Variants in MYH7B observed in about 807,000 individuals in gnomAD.
The protein encoded by MYH7B is myosin-7B.
A neutral mutation model predicts 234.5 loss-of-function variants in MYH7B; 205 were observed. That is an observed-to-expected ratio of 0.87 (90% CI 0.78 to 0.98). The LOEUF (loss-of-function observed/expected upper bound fraction) is 0.98. MYH7B is among the 50% of genes least tolerant of loss of function. The probability of loss-of-function intolerance (pLI) is 0.00; values close to 1 mark genes in which losing one functional copy is unlikely to be tolerated. For synonymous variants in MYH7B, 1,193 were observed against 1,105.0 expected, an observed-to-expected ratio of 1.08 and a Z score of -1.58; for missense variants, 2,652 against 2,633.4, an observed-to-expected ratio of 1.01 and a Z score of -0.15.
chr20:34,982,669 G>A, intron 10 of MYH7B, 114 bp downstream of exon 10: 2 of 921,930 alleles, frequency 2.2e-6, no homozygotes, highest in Non-Finnish European at 1.6e-6. Flanking sequence ...CCAGAACCCT[G>A]AGCCCTGCCT....
chr20:34,992,489 A>C (rs1965158284), intron 24 of MYH7B, among the ~76,000 whole-genome samples: 1 of 152,074 alleles, frequency 6.6e-6, no homozygotes, highest in Non-Finnish European at 1.5e-5. Context: ...AAATTTTAAA[A>C]ATAGTGCATG....
At chr20:34,976,251 T>G (rs2081853143) in intron 3 of MYH7B, among the ~76,000 whole-genome samples, 1 of 152,194 alleles carries the variant, frequency 6.6e-6, no homozygotes, top group African/African-American at 2.4e-5. Context: ...GTTTTGAATG[T>G]AGATGGTTGA....
chr20:34,969,267 T>C (rs922236370), intron 2 of MYH7B, among the ~76,000 whole-genome samples: 5 of 152,168 alleles, frequency 3.3e-5, no homozygotes, highest in African/African-American at 1.2e-4. Context: ...GGGGTTTGTA[T>C]TTTTCAAGGA....
At chr20:34,978,556 A>G (rs1020344049) in intron 5 of MYH7B, among the ~76,000 whole-genome samples, 4 of 152,176 alleles carry the variant, frequency 2.6e-5, no homozygotes, top group African/African-American at 7.2e-5. Context: ...CAATACTAAC[A>G]ATAGGCAGTG....
exon 32 of MYH7B, chr20:34,997,566 G>A: frequency 1.2e-6 from 2 of 1,613,038 alleles, no homozygotes; most frequent in Non-Finnish European, 1.7e-6. Context: ...GCAGAAGCTG[G>A]AGAAGGAGAA....
chr20:34,993,366 G>C (rs778003141), exon 26 of MYH7B: 2 of 1,613,966 alleles, frequency 1.2e-6, no homozygotes, highest in Non-Finnish European at 1.7e-6. Context: ...TAGGCGTCCT[G>C]GAAGAGCTCC....
In MYH7B at chr20:34,979,326, C is replaced by T. The variant is rs529535821; in HGVS notation, c.92-64C>T. 241 of 1,323,990 alleles carry T rather than the reference C, an allele frequency of 1.8e-4. 2 individuals carry two copies. The highest frequency in any genetic ancestry group is 1.5e-3 in the Middle Eastern group (8 of 5,368). 82.0% of individuals were successfully genotyped at this position (1,323,990 alleles called of 1,614,324 possible). On this transcript the variant is annotated intron_variant, in intron 5 of 44. Transcript: ENST00000262873. ...CTGTATGGATACCATGGCTTGGGAA[C>T]TCCAGCTAGAACCTGGAGGTGCCTC...
chr20:34,962,237 A>G (rs2081704809), intron 2 of MYH7B, among the ~76,000 whole-genome samples: 1 of 152,114 alleles, frequency 6.6e-6, no homozygotes, highest in African/African-American at 2.4e-5. Flanking sequence ...AAAAATAATT[A>G]TAATAATGCT....
intron 5 of MYH7B, 89 bp from the exon 6 acceptor site, chr20:34,979,301 C>G: frequency 9.8e-7 from 1 of 1,016,608 alleles, no homozygotes; most frequent in East Asian, 2.5e-5. Context: ...AGGGTCACAG[C>G]TGTATGGATA....
At chr20:34,958,427 C>T (rs1204321327) in intron 2 of MYH7B, among the ~76,000 whole-genome samples, 1 of 152,186 alleles carries the variant, frequency 6.6e-6, no homozygotes, top group Non-Finnish European at 1.5e-5. Context: ...TCAGATGTTT[C>T]ATCCCTGGAG....
rs199919552 is a variant in MYH7B at position 34,987,767 on chromosome 20, G to C, written c.1269G>C (p.Val423=). 84 of 1,614,200 alleles carry C rather than the reference G, an allele frequency of 5.2e-5. 1 individual carries two copies. In the East Asian group the frequency reaches 1.6e-3, roughly 31 times the overall value. ...GCCCAGCCTCCCTGCACCTCCAGGT[G>C]GTGTTTGCTGTGGGGGCTCTGGCCA... The change falls in exon 18 of 45, where the codon GTG becomes GTC. Residue 423 remains valine, a splice_region_variant and synonymous_variant. Transcript: ENST00000262873.
intron 2 of MYH7B, among the ~76,000 whole-genome samples, chr20:34,974,328 C>T (rs1290625237): frequency 4.0e-5 from 6 of 151,352 alleles, no homozygotes; most frequent in African/African-American, 9.7e-5. Flanking sequence ...CCTCAGCCTC[C>T]GAAAGTGCTG....
chr20:34,995,196 G>A (rs952639254), intron 27 of MYH7B, 140 bp from the exon 28 acceptor site: 8 of 794,080 alleles, frequency 1.0e-5, no homozygotes, highest in South Asian at 1.8e-5. Flanking sequence ...GCCCAAGAGC[G>A]AGTCAAGACA....
chr20:35,002,229 T>A, exon 45 of MYH7B: 1 of 1,503,094 alleles, frequency 6.7e-7, no homozygotes. Flanking sequence ...TGTCTGCTGT[T>A]GCACATCTGG....
At chr20:35,002,007 T>C (rs747300156) in exon 44 of MYH7B, 2 of 1,614,034 alleles carry the variant, frequency 1.2e-6, no homozygotes, top group Non-Finnish European at 1.7e-6. Context: ...AGCTGGATGA[T>C]GCGGAGGAGC....
exon 36 of MYH7B, chr20:34,999,223 A>C: frequency 6.2e-7 from 1 of 1,611,536 alleles, no homozygotes; most frequent in Non-Finnish European, 8.5e-7. Context: ...GACAAGAAGC[A>C]GCGGCACTTG....
chr20:34,999,405 G>A, exon 36 of MYH7B: 1 of 1,511,202 alleles, frequency 6.6e-7, no homozygotes, highest in Non-Finnish European at 8.8e-7. Flanking sequence ...GAACCTGCAG[G>A]GTAGGACCTG....
chr20:34,990,042 A>AG lies in MYH7B; in HGVS notation c.1797dup (p.Lys600GlufsTer8). 6.2e-7 allele frequency: 1 copy of AG among 1,614,124 alleles called. No individual in the cohort carries two copies. Among genetic ancestry groups the AG allele is most frequent in the East Asian group, 2.2e-5 (1 of 44,870 alleles). On this transcript the variant is annotated frameshift_variant, in exon 21 of 45. Coordinates refer to ENST00000262873, the Ensembl canonical transcript of MYH7B. LOFTEE classifies it high-confidence loss of function. ...CCTTACAGCATTGTGGGCTGGCTGG[A>AG]GAAAAACAAGGATCCCCTGAATGAG...
At chr20:34,977,738 G>GGGGGGGGGGCCCC in intron 4 of MYH7B, 58 bp downstream of exon 4, 1 of 317,150 alleles carries the variant, frequency 3.2e-6, no homozygotes, top group Non-Finnish European at 5.9e-6. Flanking sequence ...GGGCGGGTGG[G>GGGGGGGGGGCCCC]TGAGGGTGCC....
Sources: gnomAD v4.1 joint callset for allele counts (sites outside exome capture counted in the v4.1 genomes callset) on GRCh38, gnomAD v4.1.1 for gene constraint, MANE v1.5 for transcripts, NCBI Gene and HGNC (gene_info 2026-07-23, HGNC 2026-07-21) for gene names.